The following DPYD variants were observed in gnomAD, a reference collection of about 807,000 sequenced individuals.
DPYD encodes dihydropyrimidine dehydrogenase.
Under a neutral mutation model 116.2 loss-of-function variants are expected in DPYD, and 109 were observed. The ratio of observed to expected loss-of-function variants is 0.94; its 90% CI spans 0.80 to 1.10. The LOEUF (loss-of-function observed/expected upper bound fraction) is 1.10, where lower values mean the gene tolerates loss of function less well. Ranked by LOEUF, DPYD falls within the 50% of genes least tolerant of loss-of-function variation. The probability of loss-of-function intolerance (pLI) is 0.00; values close to 1 mark genes in which losing one functional copy is unlikely to be tolerated. For missense variants in DPYD, 1,302 were observed against 1,254.5 expected, an observed-to-expected ratio of 1.04 and a Z score of -0.57; for synonymous variants, 440 against 432.0, an observed-to-expected ratio of 1.02 and a Z score of -0.23.
At chr1:97,635,661 A>G (rs1011260279) in intron 8 of DPYD, among the ~76,000 whole-genome samples, 1 of 152,194 alleles carries the variant, frequency 6.6e-6, no homozygotes, top group Non-Finnish European at 1.5e-5. Flanking sequence ...CTCAGTGTCT[A>G]TATTGTACAT....
intron 6 of DPYD, among the ~76,000 whole-genome samples, chr1:97,695,354 G>A (rs1198616878): frequency 2.7e-5 from 4 of 148,430 alleles, no homozygotes; most frequent in South Asian, 2.2e-4. Context: ...AGGATAGCAT[G>A]TTAAAAAAAT....
At chr1:97,102,459 T>TTATCTATCTACC (rs1553213382) in intron 20 of DPYD, among the ~76,000 whole-genome samples, 1 of 125,094 alleles carries the variant, frequency 8.0e-6, no homozygotes, top group Non-Finnish European at 1.6e-5. Context: ...CTGAAATCTA[T>TTATCTATCTACC]TATCTATCTA....
chr1:97,836,907 G>T (rs1669796355), intron 2 of DPYD, among the ~76,000 whole-genome samples: 1 of 151,942 alleles, frequency 6.6e-6, no homozygotes, highest in African/African-American at 2.4e-5. Flanking sequence ...GTACTAGATA[G>T]ATATCAAATA....
intron 4 of DPYD, among the ~76,000 whole-genome samples, chr1:97,722,454 C>T (rs1662975347): frequency 6.6e-6 from 1 of 151,432 alleles, no homozygotes; most frequent in South Asian, 2.1e-4. Context: ...ATGTACCATA[C>T]TAATGTAGGG....
In DPYD at chr1:97,517,623, T is replaced by C. The variant is rs1255276208; in HGVS notation, c.1525-1682A>G. On this transcript the variant is annotated intron_variant, in intron 12 of 22. Coordinates refer to ENST00000370192, the MANE Select transcript of DPYD (RefSeq NM_000110.4). ...ACTAACCAGCCTCTTTGTACTTAATTTATGAAACCTTGCTTGATGGTATTT... is the reference window on the plus strand; with the variant it reads ...ACTAACCAGCCTCTTTGTACTTAATCTATGAAACCTTGCTTGATGGTATTT... Among the ~76,000 whole-genome samples the C allele has an allele frequency of 3.9e-5, 6 of 152,232 alleles. No individual in the cohort carries two copies. The East Asian group carries it at 9.7e-4, about 25-fold the overall frequency.
chr1:97,370,474 C>T (rs765548762), intron 16 of DPYD, among the ~76,000 whole-genome samples: 30 of 152,162 alleles, frequency 2.0e-4, no homozygotes, highest in Non-Finnish European at 3.5e-4. Context: ...GCATGCAGGG[C>T]TTAAAACCTA....
intron 21 of DPYD, among the ~76,000 whole-genome samples, chr1:97,086,284 C>A (rs1649510421): frequency 6.6e-6 from 1 of 151,764 alleles, no homozygotes; most frequent in Admixed American, 6.6e-5. Context: ...AACTCTTGAC[C>A]TTGTGTCCAC....
intron 18 of DPYD, among the ~76,000 whole-genome samples, chr1:97,248,522 G>C (rs1662874781): frequency 6.6e-6 from 1 of 152,118 alleles, no homozygotes; most frequent in Non-Finnish European, 1.5e-5. Flanking sequence ...TATTAGCAGT[G>C]TGAAAATGGA....
chr1:97,547,999 C>T (rs1651030354), intron 12 of DPYD, among the ~76,000 whole-genome samples: 1 of 151,884 alleles, frequency 6.6e-6, no homozygotes, highest in Non-Finnish European at 1.5e-5. Context: ...ATTAGTTACA[C>T]AAACATGAGA....
At chr1:97,466,508 C>T (rs1004953650) in intron 13 of DPYD, among the ~76,000 whole-genome samples, 4 of 151,792 alleles carry the variant, frequency 2.6e-5, no homozygotes, top group Non-Finnish European at 4.4e-5. Flanking sequence ...ATGCCTGTCT[C>T]GGTGTCAAGA....
At chr1:97,332,101 G>A (rs527668071) in intron 16 of DPYD, among the ~76,000 whole-genome samples, 3 of 152,204 alleles carry the variant, frequency 2.0e-5, no homozygotes, top group Admixed American at 1.3e-4. Flanking sequence ...TGAGAATTCC[G>A]TTGGTATTTC....
chr1:97,728,466 A>G (rs1663392629), intron 4 of DPYD, among the ~76,000 whole-genome samples: 1 of 152,100 alleles, frequency 6.6e-6, no homozygotes, highest in African/African-American at 2.4e-5. Flanking sequence ...TGGAAAACTC[A>G]CAAGCCGCTA....
intron 16 of DPYD, among the ~76,000 whole-genome samples, chr1:97,355,968 T>C (rs1670408004): frequency 6.6e-6 from 1 of 152,178 alleles, no homozygotes; most frequent in South Asian, 2.1e-4. Flanking sequence ...TGTTGGATCA[T>C]ATGGTAATTC....
intron 8 of DPYD, among the ~76,000 whole-genome samples, chr1:97,633,956 C>G (rs555662285): frequency 1.3e-5 from 2 of 152,154 alleles, no homozygotes; most frequent in East Asian, 3.9e-4. Context: ...GAGGGAGAGC[C>G]TTCACAAAGG....
At chr1:97,614,660 CT>C (rs1656155116) in intron 8 of DPYD, among the ~76,000 whole-genome samples, 1 of 152,062 alleles carries the variant, frequency 6.6e-6, no homozygotes, top group South Asian at 2.1e-4. Context: ...TATAAATCAA[CT>C]ATACATCCTC....
intron 4 of DPYD, among the ~76,000 whole-genome samples, chr1:97,726,920 C>T (rs1663295701): frequency 6.6e-6 from 1 of 151,632 alleles, no homozygotes; most frequent in Admixed American, 6.6e-5. Flanking sequence ...AGCTGTCAAA[C>T]TATGAGTGTC....
chr1:97,383,887 C>T (rs901926354), intron 14 of DPYD, among the ~76,000 whole-genome samples: 1 of 152,118 alleles, frequency 6.6e-6, no homozygotes, highest in Non-Finnish European at 1.5e-5. Flanking sequence ...GCAGGAAGAT[C>T]GCTTGAGCCC....
At chr1:97,451,138 G>A (rs1479317288) in intron 13 of DPYD, among the ~76,000 whole-genome samples, 1 of 151,922 alleles carries the variant, frequency 6.6e-6, no homozygotes, top group Admixed American at 6.6e-5. Flanking sequence ...TAGCAATTAA[G>A]GTCAATTTAC....
At chr1:97,584,710 A>T (rs1653959642) in intron 10 of DPYD, among the ~76,000 whole-genome samples, 1 of 149,944 alleles carries the variant, frequency 6.7e-6, no homozygotes, top group African/African-American at 2.4e-5. Context: ...CAAAAAGCCA[A>T]ACACTGCATG....
Sources: gnomAD v4.1 joint callset for allele counts (sites outside exome capture counted in the v4.1 genomes callset) on GRCh38, gnomAD v4.1.1 for gene constraint, MANE v1.5 for transcripts, NCBI Gene and HGNC (gene_info 2026-07-23, HGNC 2026-07-21) for gene names.